TASP1: variants seen among roughly 807,000 people sequenced by gnomAD.
The protein encoded by TASP1 is taspase 1.
Under a neutral mutation model 56.6 loss-of-function variants are expected in TASP1, and 16 were observed. The ratio of observed to expected loss-of-function variants is 0.28; its 90% CI spans 0.19 to 0.43. The LOEUF (loss-of-function observed/expected upper bound fraction) is 0.43. Ranked by LOEUF, TASP1 falls within the 20% of genes least tolerant of loss-of-function variation. TASP1 has a pLI of 1.00. For synonymous variants in TASP1, 179 were observed against 184.2 expected (o/e 0.97, Z 0.23); for missense variants, 393 against 511.6 (o/e 0.77, Z 2.24).
At chr20:13,314,624 A>G in the TASP1 span, among the ~76,000 whole-genome samples, 2 of 152,150 alleles carry the variant, frequency 1.3e-5, no homozygotes, top group Non-Finnish European at 2.9e-5. Context: ...AAGAAATGCT[A>G]AAAGAAATTC....
chr20:13,621,231 C>G (rs1388900162), intron 4 of TASP1, among the ~76,000 whole-genome samples: 5 of 151,920 alleles, frequency 3.3e-5, no homozygotes, highest in African/African-American at 1.2e-4. Context: ...CAAGACCACC[C>G]TGGTCAACAT....
At chr20:13,117,863 G>A in the TASP1 span, 1 of 746,480 alleles carries the variant, frequency 1.3e-6, no homozygotes, top group Non-Finnish European at 2.1e-6. Flanking sequence ...GCTACAGTGG[G>A]TTCACAGCCA....
chr20:13,387,626 G>A (rs1196038320), downstream of TASP1, among the ~76,000 whole-genome samples: 1 of 152,188 alleles, frequency 6.6e-6, no homozygotes, highest in Non-Finnish European at 1.5e-5. Flanking sequence ...GTAAACATAT[G>A]CATGCATGTG....
chr20:13,313,183 G>A, the TASP1 span, among the ~76,000 whole-genome samples: 1 of 152,162 alleles, frequency 6.6e-6, no homozygotes, highest in African/African-American at 2.4e-5. Context: ...CAGATTATTA[G>A]AACTTTGGCT....
chr20:13,150,271 T>C, the TASP1 span, among the ~76,000 whole-genome samples: 3 of 152,206 alleles, frequency 2.0e-5, no homozygotes, highest in Non-Finnish European at 4.4e-5. Context: ...GCACTTCCAA[T>C]AGGCTCTGTA....
At position 13,569,588 on chromosome 20, in the gene TASP1, TAAC is replaced by T. The variant is rs1243034692; in HGVS notation, c.489-5_489-3del. On this transcript the variant is annotated splice_region_variant and splice_polypyrimidine_tract_variant and intron_variant, in intron 6 of 13. Transcript: ENST00000337743. Reference sequence around the variant, plus strand: ...TAGGCTCCTTCTCCAACTAAAAAGCTAACAACAGAAAAATTATTTTTAAAATTC... The same window carrying T: ...TAGGCTCCTTCTCCAACTAAAAAGCTAACAGAAAAATTATTTTTAAAATTC... The T allele has an allele frequency of 6.8e-6, 11 of 1,610,786 alleles. No homozygotes were observed. Among genetic ancestry groups the T allele is most frequent in the Non-Finnish European group, 7.6e-6 (9 of 1,178,868 alleles).
intron 4 of TASP1, among the ~76,000 whole-genome samples, chr20:13,591,965 G>A (rs990822758): frequency 8.6e-5 from 13 of 151,892 alleles, no homozygotes; most frequent in African/African-American, 2.9e-4. Flanking sequence ...ATAGCTAATA[G>A]GACAAAAGTG....
chr20:13,287,550 C>T, the TASP1 span, among the ~76,000 whole-genome samples: 4 of 152,322 alleles, frequency 2.6e-5, no homozygotes, highest in African/African-American at 7.2e-5. Context: ...CCTTTTTGCA[C>T]ACCACTCATC....
chr20:13,582,322 G>GTATAACTTATAACTTATAAATT (rs1299371775), intron 5 of TASP1, among the ~76,000 whole-genome samples: 1 of 151,400 alleles, frequency 6.6e-6, no homozygotes, highest in African/African-American at 2.4e-5. Context: ...TGTTATAAAT[G>GTATAACTTATAACTTATAAATT]TATAACTTAT....
chr20:13,422,875 T>C (rs952050095), intron 12 of TASP1, among the ~76,000 whole-genome samples: 1 of 152,186 alleles, frequency 6.6e-6, no homozygotes, highest in Non-Finnish European at 1.5e-5. Context: ...CAAGTGACTA[T>C]GAGAGTGCTG....
the TASP1 span, among the ~76,000 whole-genome samples, chr20:13,184,290 G>T: frequency 2.0e-4 from 31 of 152,190 alleles, no homozygotes; most frequent in Non-Finnish European, 3.7e-4. Context: ...CTTACATGAT[G>T]ATGAACTAAC....
chr20:13,560,916 C>T (rs936586257), intron 7 of TASP1, among the ~76,000 whole-genome samples: 3 of 152,154 alleles, frequency 2.0e-5, no homozygotes, highest in Admixed American at 6.5e-5. Context: ...TACCAAGGCA[C>T]ATTATAATCA....
chr20:13,143,003 G>T, the TASP1 span, among the ~76,000 whole-genome samples: 1 of 152,290 alleles, frequency 6.6e-6, no homozygotes, highest in Admixed American at 6.5e-5. Context: ...CTTCATTACT[G>T]GTGAACATCT....
At chr20:13,279,661 G>C in the TASP1 span, 1 of 1,613,858 alleles carries the variant, frequency 6.2e-7, no homozygotes, top group South Asian at 1.1e-5. Flanking sequence ...CGACGGTCCT[G>C]ACTCTGAAGC....
chr20:13,491,303 T>G (rs1166770305), intron 10 of TASP1, among the ~76,000 whole-genome samples: 2 of 152,216 alleles, frequency 1.3e-5, no homozygotes, highest in East Asian at 3.8e-4. Context: ...TTTTCCCCAG[T>G]ATCTAAAATA....
the TASP1 span, among the ~76,000 whole-genome samples, chr20:13,359,227 G>C: frequency 8.9e-5 from 13 of 146,542 alleles, no homozygotes; most frequent in Non-Finnish European, 1.9e-4. Flanking sequence ...CCTCCCACAG[G>C]AGCTTGCTAC....
At chr20:13,487,302 C>T (rs1015990645) in intron 10 of TASP1, among the ~76,000 whole-genome samples, 4 of 152,270 alleles carry the variant, frequency 2.6e-5, no homozygotes, top group East Asian at 1.9e-4. Context: ...AGGGGTGCTA[C>T]TACATATTGT....
the TASP1 span, among the ~76,000 whole-genome samples, chr20:13,323,931 C>A: frequency 6.6e-6 from 1 of 152,158 alleles, no homozygotes; most frequent in Non-Finnish European, 1.5e-5. Context: ...GAAATGCATT[C>A]TTTCTTGTGA....
chr20:13,339,208 T>C, the TASP1 span, among the ~76,000 whole-genome samples: 1 of 152,156 alleles, frequency 6.6e-6, no homozygotes, highest in Non-Finnish European at 1.5e-5. Context: ...ACAGCAAAAC[T>C]TCCCTTTGAC....
Sources: gnomAD v4.1 joint callset for allele counts (sites outside exome capture counted in the v4.1 genomes callset) on GRCh38, gnomAD v4.1.1 for gene constraint, MANE v1.5 for transcripts, NCBI Gene and HGNC (gene_info 2026-07-23, HGNC 2026-07-21) for gene names.